The following STOX2 variants were observed in gnomAD, a reference collection of about 807,000 sequenced individuals.
STOX2 encodes the protein storkhead box 2.
In STOX2, 28 loss-of-function variants were observed where a neutral mutation model predicts 60.9. The observed-to-expected ratio is 0.46, with a 90% CI of 0.34 to 0.63. The LOEUF (loss-of-function observed/expected upper bound fraction) is 0.63, where lower values mean the gene tolerates loss of function less well. Ranked by LOEUF, STOX2 falls within the 30% of genes least tolerant of loss-of-function variation. The probability of loss-of-function intolerance (pLI) is 0.01; values close to 1 mark genes in which losing one functional copy is unlikely to be tolerated. For missense variants in STOX2, 1,024 were observed against 1,187.7 expected (o/e 0.86, Z 2.03); for synonymous variants, 472 against 463.9 (o/e 1.02, Z -0.22).
At chr4:183,845,333 G>A (rs1739961649) in intron 1 of STOX2, among the ~76,000 whole-genome samples, 1 of 152,152 alleles carries the variant, frequency 6.6e-6, no homozygotes, top group African/African-American at 2.4e-5. Flanking sequence ...AAAAGCTTAA[G>A]CCAGGTGGGA....
chr4:183,917,831 A>G (rs1398851328), intron 1 of STOX2, among the ~76,000 whole-genome samples: 1 of 152,236 alleles, frequency 6.6e-6, no homozygotes, highest in African/African-American at 2.4e-5. Context: ...ACATTCATAC[A>G]TTGGTGCTGG....
chr4:183,929,759 A>G (rs148959661), intron 1 of STOX2, among the ~76,000 whole-genome samples: 340 of 152,260 alleles, frequency 2.2e-3, no homozygotes, highest in African/African-American at 7.8e-3. Context: ...GGTTAAACGT[A>G]TTTCTGAGGT....
At position 184,009,928 on chromosome 4, in the gene STOX2, C is replaced by G. The variant is rs1198145483; in HGVS notation, c.1090C>G (p.Arg364Gly). The change falls in exon 3 of 4, where the codon CGG (arginine) becomes GGG (glycine). Residue 364 changes from arginine to glycine, a missense_variant. Physicochemically the swap from Arg to Gly is moderately radical, Grantham distance 125. Coordinates refer to ENST00000308497, the MANE Select transcript of STOX2 (RefSeq NM_020225.3). This position sits in a 1 kb window ranked among gnomAD's most constrained non-coding sequence, Gnocchi z 4.0. ...SGRSKKSRTH[R>G]KSHGKSRSHS... ...AAGGAGTAAAAAGAGTAGGACTCAT[C>G]GGAAGTCCCATGGAAAGTCTCGGTC... is the stretch of plus-strand genomic sequence containing the variant. The G allele has an allele frequency of 1.7e-5, 28 of 1,612,932 alleles. No homozygotes were observed. The highest frequency in any genetic ancestry group is 2.4e-5 in the Non-Finnish European group (28 of 1,179,498).
At chr4:183,981,311 T>C (rs1732650978) in intron 1 of STOX2, among the ~76,000 whole-genome samples, 1 of 152,190 alleles carries the variant, frequency 6.6e-6, no homozygotes, top group South Asian at 2.1e-4. Context: ...GCATAGACTG[T>C]ATGAATTTCA....
chr4:183,818,837 G>T lies in STOX2; in HGVS notation c.364+20782G>T, dbSNP rs1469365117. Among the ~76,000 whole-genome samples the T allele has an allele frequency of 2.0e-5, 3 of 151,474 alleles. No individual in the cohort carries two copies. In the East Asian group the frequency reaches 6.0e-4, roughly 30 times the overall value. ...CTCCTCACCTCCCAGACGGGGTCGC[G>T]ACCGGGCAGAGGCGCTCCTCACATC... On this transcript the variant is annotated intron_variant, in intron 1 of 2. Coordinates refer to the STOX2 transcript ENST00000513034.
chr4:183,925,294 G>C (rs1048350424), intron 1 of STOX2, among the ~76,000 whole-genome samples: 21 of 152,326 alleles, frequency 1.4e-4, no homozygotes, highest in Non-Finnish European at 1.5e-4. Context: ...AATCCAAATT[G>C]AAAGAGGTAC....
intron 1 of STOX2, among the ~76,000 whole-genome samples, chr4:183,886,156 A>T (rs1361645103): frequency 5.6e-5 from 5 of 89,716 alleles, no homozygotes; most frequent in African/African-American, 1.3e-4. Context: ...GTATAGGCAG[A>T]TGCAAGATCA....
intron 1 of STOX2, among the ~76,000 whole-genome samples, chr4:183,897,714 A>G (rs527965131): frequency 6.6e-6 from 1 of 152,366 alleles, no homozygotes; most frequent in Non-Finnish European, 1.5e-5. Flanking sequence ...TACACAGCAT[A>G]TGCAGAATAA....
intron 1 of STOX2, among the ~76,000 whole-genome samples, chr4:183,867,408 C>A (rs1740595901): frequency 6.6e-6 from 1 of 152,160 alleles, no homozygotes; most frequent in Admixed American, 6.5e-5. Context: ...AGGAGAAAGG[C>A]CAAGATCGGG....
chr4:183,966,119 G>A (rs1440891487), intron 1 of STOX2, among the ~76,000 whole-genome samples: 1 of 152,088 alleles, frequency 6.6e-6, no homozygotes, highest in Non-Finnish European at 1.5e-5. Flanking sequence ...GGCAATCAGA[G>A]AGAGTTTTGG....
intron 1 of STOX2, among the ~76,000 whole-genome samples, chr4:183,974,606 G>A (rs1732384244): frequency 6.6e-6 from 1 of 151,756 alleles, no homozygotes; most frequent in African/African-American, 2.4e-5. Context: ...AAATTACCAG[G>A]GATAAAGAAG....
At chr4:183,920,025 TA>T (rs942652383) in intron 1 of STOX2, among the ~76,000 whole-genome samples, 4 of 152,214 alleles carry the variant, frequency 2.6e-5, no homozygotes, top group Non-Finnish European at 4.4e-5. Context: ...AACACAAATG[TA>T]AAAAAATTTC....
intron 1 of STOX2, among the ~76,000 whole-genome samples, chr4:183,810,912 G>A (rs1212853734): frequency 6.6e-6 from 1 of 152,120 alleles, no homozygotes; most frequent in Non-Finnish European, 1.5e-5. Flanking sequence ...CAAGGCACGA[G>A]GGGATTTCTG....
chr4:183,926,714 C>G (rs1227973994), intron 1 of STOX2, among the ~76,000 whole-genome samples: 1 of 152,038 alleles, frequency 6.6e-6, no homozygotes, highest in Non-Finnish European at 1.5e-5. Context: ...ACCTCCACCT[C>G]CCGGGTTCAA....
intron 1 of STOX2, among the ~76,000 whole-genome samples, chr4:183,954,088 C>T (rs1743173418): frequency 6.6e-6 from 1 of 152,048 alleles, no homozygotes; most frequent in African/African-American, 2.4e-5. Context: ...TTTCTTTAGT[C>T]CTTGATAAAA....
Position 183,825,512 on chromosome 4 carries a change from T to C in STOX2, c.364+27457T>C, listed in dbSNP as rs112713891. On this transcript the variant is annotated intron_variant, in intron 1 of 2. Transcript: ENST00000513034. This position sits in a 1 kb window ranked among gnomAD's most constrained non-coding sequence, Gnocchi z 4.1. ...CAACCTTCAATGGGTGAATAGACGT[T>C]CCTTCAGGCCCAAGTGCAGGCAGCC... Among the ~76,000 whole-genome samples, 110 of 152,290 alleles carry C rather than the reference T, an allele frequency of 7.2e-4. No individual in the cohort carries two copies. The highest frequency in any genetic ancestry group is 2.5e-3 in the African/African-American group (103 of 41,562).
chr4:183,929,136 A>G (rs1742336784), intron 1 of STOX2, among the ~76,000 whole-genome samples: 1 of 152,350 alleles, frequency 6.6e-6, no homozygotes, highest in East Asian at 1.9e-4. Flanking sequence ...GGAAAATTAC[A>G]TGAGATCTAG....
chr4:183,959,857 G>A (rs1481538108), intron 1 of STOX2, among the ~76,000 whole-genome samples: 1 of 152,110 alleles, frequency 6.6e-6, no homozygotes, highest in Non-Finnish European at 1.5e-5. Context: ...CATCTGGCTG[G>A]AGCTACATGC....
At chr4:183,915,637 A>G (rs1012584268) in intron 1 of STOX2, among the ~76,000 whole-genome samples, 1 of 152,226 alleles carries the variant, frequency 6.6e-6, no homozygotes, top group African/African-American at 2.4e-5. Context: ...CCCTAGATCC[A>G]CATGACTGGT....
Sources: gnomAD v4.1 joint callset for allele counts (sites outside exome capture counted in the v4.1 genomes callset) on GRCh38, gnomAD v4.1.1 for gene constraint, Gnocchi (gnomAD v3.1) non-coding constraint, MANE v1.5 for transcripts, NCBI Gene and HGNC (gene_info 2026-07-23, HGNC 2026-07-21) for gene names.